EDARADD: variants seen among roughly 807,000 people sequenced by gnomAD.
EDARADD encodes the protein ectodysplasin-A receptor-associated adapter protein.
A neutral mutation model predicts 25.6 loss-of-function variants in EDARADD; 20 were observed. That is an observed-to-expected ratio of 0.78 (90% confidence interval 0.55 to 1.14). EDARADD has a LOEUF of 1.14. EDARADD is among the 50% of genes most tolerant of loss of function. The pLI is 0.00. For missense variants in EDARADD, 225 were observed against 270.1 expected, an observed-to-expected ratio of 0.83 and a Z score of 1.17; for synonymous variants, 86 against 94.4, an observed-to-expected ratio of 0.91 and a Z score of 0.52.
At chr1:236,422,715 C>A (rs796622566) in intron 3 of EDARADD, among the ~76,000 whole-genome samples, 2 of 152,318 alleles carry the variant, frequency 1.3e-5, no homozygotes, top group African/African-American at 4.8e-5. Context: ...ACCTAGGAGT[C>A]TGCAAGAGGG....
chr1:236,432,549 A>T (rs1571931470), intron 4 of EDARADD, among the ~76,000 whole-genome samples: 1 of 152,158 alleles, frequency 6.6e-6, no homozygotes. Flanking sequence ...TATGTTGTTT[A>T]TTTGGATTAC....
chr1:236,407,951 G>A (rs1029150522), intron 1 of EDARADD, among the ~76,000 whole-genome samples: 5 of 151,952 alleles, frequency 3.3e-5, no homozygotes, highest in African/African-American at 4.8e-5. Flanking sequence ...TTCTTTATTA[G>A]TCCACATAAA....
chr1:236,479,279 T>G (rs1353317119), intron 5 of EDARADD, among the ~76,000 whole-genome samples: 3 of 152,080 alleles, frequency 2.0e-5, no homozygotes, highest in Non-Finnish European at 4.4e-5. Flanking sequence ...GAGGATCACT[T>G]GAGCCCAGTA....
At chr1:236,451,891 C>G (rs1237220065) in intron 4 of EDARADD, among the ~76,000 whole-genome samples, 5 of 152,264 alleles carry the variant, frequency 3.3e-5, no homozygotes, top group Non-Finnish European at 5.9e-5. Context: ...ACACCTCCCC[C>G]CAGCAGCCAA....
At chr1:236,470,114 C>T (rs916375785) in intron 5 of EDARADD, among the ~76,000 whole-genome samples, 1 of 152,090 alleles carries the variant, frequency 6.6e-6, no homozygotes, top group African/African-American at 2.4e-5. Context: ...ATTTTCTTTC[C>T]ACTATCCTAT....
At chr1:236,482,116 A>C (rs74587233) in intron 5 of EDARADD, 151 bp from the exon 6 acceptor site, 14 of 384,010 alleles carry the variant, frequency 3.6e-5, no homozygotes, top group South Asian at 7.4e-5. Context: ...CTCCATCTCA[A>C]AAAAAAAAAA....
At chr1:236,451,221 C>T (rs1399481038) in intron 4 of EDARADD, among the ~76,000 whole-genome samples, 1 of 152,178 alleles carries the variant, frequency 6.6e-6, no homozygotes, top group East Asian at 1.9e-4. Flanking sequence ...CCTTCTCAGT[C>T]CCTAGCTTTG....
chr1:236,455,417 A>G (rs1658833413), intron 4 of EDARADD, among the ~76,000 whole-genome samples: 1 of 152,200 alleles, frequency 6.6e-6, no homozygotes, highest in Non-Finnish European at 1.5e-5. Context: ...TTCTCTTGAT[A>G]TGCAGGAATC....
chr1:236,475,722 C>T lies in EDARADD; in HGVS notation c.266-6545C>T, dbSNP rs141523819. On this transcript the variant is annotated intron_variant, in intron 5 of 5. Transcript: ENST00000334232. ...GAGGTTGCAGTGAGTCGAGATCGCA[C>T]CATTGCACTCCAGCTTGGGCAACAA... 6.1e-3 allele frequency among the ~76,000 whole-genome samples: 922 copies of T among 151,940 alleles called. 15 individuals are homozygous for T. Among genetic ancestry groups the T allele is most frequent in the African/African-American group, 0.021 (883 of 41,414 alleles).
intron 3 of EDARADD, among the ~76,000 whole-genome samples, chr1:236,369,745 G>A (rs1667154594): frequency 6.6e-6 from 1 of 152,160 alleles, no homozygotes; most frequent in African/African-American, 2.4e-5. Context: ...GGCTGAGGCA[G>A]AAGAACTGCT....
intron 3 of EDARADD, among the ~76,000 whole-genome samples, chr1:236,377,960 A>T (rs913797648): frequency 3.3e-5 from 5 of 152,186 alleles, no homozygotes; most frequent in African/African-American, 4.8e-5. Context: ...ACTGGGTAAA[A>T]GGAACTGATA....
intron 3 of EDARADD, among the ~76,000 whole-genome samples, chr1:236,378,887 A>G (rs1489383978): frequency 6.6e-6 from 1 of 152,058 alleles, no homozygotes; most frequent in Admixed American, 6.6e-5. Context: ...TAGATCCATA[A>G]TCCTCAATCC....
At chr1:236,371,703 G>T (rs1245195317) in intron 3 of EDARADD, among the ~76,000 whole-genome samples, 1 of 151,612 alleles carries the variant, frequency 6.6e-6, no homozygotes, top group East Asian at 1.9e-4. Flanking sequence ...CCAAGTAGCT[G>T]GGATTACAGG....
At chr1:236,396,715 G>T (rs61833985) in intron 1 of EDARADD, among the ~76,000 whole-genome samples, 62,667 of 150,756 alleles carry the variant, frequency 0.42, 15,753 homozygotes, top group Non-Finnish European at 0.58. Context: ...TTTTAAGTGG[G>T]GATTGTTAAA....
rs776244509 is a variant in EDARADD at position 236,482,680 on chromosome 1, G to A, written c.*31G>A. 32 of 1,609,466 alleles carry A rather than the reference G, an allele frequency of 2.0e-5. No individual in the cohort carries two copies. Among genetic ancestry groups the A allele is most frequent in the African/African-American group, 6.7e-5 (5 of 74,828 alleles). On this transcript the variant is annotated 3_prime_UTR_variant, in exon 6 of 6. Transcript: ENST00000334232. ...TTCTTCTTCCTTCATTGGCCTCTCCGGATGTTGAAACAACCACAGGTCAAG... is the reference window on the plus strand; with the variant it reads ...TTCTTCTTCCTTCATTGGCCTCTCCAGATGTTGAAACAACCACAGGTCAAG...
At position 236,362,987 on chromosome 1, in the gene EDARADD, GAAAA is replaced by G. The variant is rs577963160; in HGVS notation, c.-6+12165_-6+12168del. 6.4e-3 allele frequency among the ~76,000 whole-genome samples: 188 copies of G among 29,528 alleles called. 5 individuals carry two copies. The highest frequency in any genetic ancestry group is 0.012 in the South Asian group (5 of 406). 19.4% of individuals were successfully genotyped at this position (29,528 alleles called of 152,430 possible). Reference sequence around the variant, plus strand: ...TCAAGACTCTGTCTTCTTTTTTTAAGAAAAAAAAAAAAAAAAAAAATATATATAT... The same window carrying G: ...TCAAGACTCTGTCTTCTTTTTTTAAGAAAAAAAAAAAAAAAATATATATAT... On this transcript the variant is annotated intron_variant, in intron 3 of 7. Coordinates refer to the EDARADD transcript ENST00000439430.
At chr1:236,473,943 C>G (rs977066550) in intron 5 of EDARADD, among the ~76,000 whole-genome samples, 8 of 152,064 alleles carry the variant, frequency 5.3e-5, no homozygotes, top group African/African-American at 1.9e-4. Context: ...TAATCAAAAC[C>G]TAACATCTTT....
chr1:236,426,732 G>A (rs1055056546), intron 3 of EDARADD, among the ~76,000 whole-genome samples: 1 of 152,136 alleles, frequency 6.6e-6, no homozygotes, highest in Admixed American at 6.6e-5. Flanking sequence ...ACACAGTGAG[G>A]CCCTATATCT....
intron 3 of EDARADD, among the ~76,000 whole-genome samples, chr1:236,363,004 AAAATATATATATAT>A (rs1252615454): frequency 1.4e-4 from 8 of 58,410 alleles, no homozygotes; most frequent in Non-Finnish European, 2.1e-4. Flanking sequence ...AAAAAAAAAA[AAAATATATATATAT>A]ATATATATAT....
Sources: allele counts gnomAD v4.1 joint callset (sites outside exome capture counted in the v4.1 genomes callset), GRCh38; gene constraint gnomAD v4.1.1; transcripts MANE v1.5; gene names NCBI Gene and HGNC (gene_info 2026-07-23, HGNC 2026-07-21).